Variants in MALRD1 observed in about 807,000 individuals in gnomAD.
MALRD1 encodes MAM and LDL-receptor class A domain-containing protein 1.
Under a neutral mutation model 242.1 loss-of-function variants are expected in MALRD1, and 247 were observed. That is an observed-to-expected ratio of 1.02 (90% confidence interval 0.92 to 1.13). MALRD1 has a LOEUF of 1.13. Ranked by LOEUF, MALRD1 falls within the 50% of genes most tolerant of loss-of-function variation. The pLI, the probability that MALRD1 is intolerant of heterozygous loss-of-function variation, is 0.00. For synonymous variants in MALRD1, 995 were observed against 866.6 expected (o/e 1.15, Z -2.60); for missense variants, 2,989 against 2,533.1 (o/e 1.18, Z -3.86).
chr10:19,396,401 G>A (rs2130838386), intron 28 of MALRD1, among the ~76,000 whole-genome samples: 1 of 152,102 alleles, frequency 6.6e-6, no homozygotes, highest in East Asian at 1.9e-4. Flanking sequence ...CTTCCAAAGA[G>A]CTGGATTACA....
intron 33 of MALRD1, among the ~76,000 whole-genome samples, chr10:19,573,506 A>T (rs1457424205): frequency 6.6e-6 from 1 of 152,180 alleles, no homozygotes; most frequent in East Asian, 1.9e-4. Context: ...CAGGAAAAGC[A>T]GGGATTCGCC....
intron 36 of MALRD1, among the ~76,000 whole-genome samples, chr10:19,684,591 A>G (rs1452576686): frequency 2.0e-5 from 3 of 152,092 alleles, no homozygotes; most frequent in East Asian, 3.9e-4. Flanking sequence ...CCCCGTCTCT[A>G]CTAAAAATAC....
chr10:19,160,070 A>G (rs1834330884), intron 12 of MALRD1, among the ~76,000 whole-genome samples: 1 of 152,218 alleles, frequency 6.6e-6, no homozygotes, highest in Non-Finnish European at 1.5e-5. Flanking sequence ...CATACTATAT[A>G]TAAAATCTGC....
chr10:19,207,043 T>C (rs775565022), intron 17 of MALRD1, among the ~76,000 whole-genome samples: 2 of 152,220 alleles, frequency 1.3e-5, no homozygotes, highest in Non-Finnish European at 2.9e-5. Context: ...GCTCCTCTTC[T>C]GTGATTTTCC....
chr10:19,521,572 T>C (rs1236253397), intron 31 of MALRD1, among the ~76,000 whole-genome samples: 1 of 152,150 alleles, frequency 6.6e-6, no homozygotes, highest in Non-Finnish European at 1.5e-5. Context: ...CAACTAGTAA[T>C]TATTGGTCAC....
intron 23 of MALRD1, 24 bp downstream of exon 23, chr10:19,327,697 G>T (rs114661731): frequency 6.6e-7 from 1 of 1,505,914 alleles, no homozygotes; most frequent in Non-Finnish European, 9.0e-7. Context: ...GTAGTTATGG[G>T]GTGAGTGAGT....
intron 24 of MALRD1, among the ~76,000 whole-genome samples, chr10:19,343,886 C>T (rs1399340908): frequency 6.6e-6 from 1 of 152,052 alleles, no homozygotes; most frequent in Non-Finnish European, 1.5e-5. Flanking sequence ...TAATATCTCA[C>T]CATGGTCTTA....
At chr10:19,206,429 T>A (rs1373691876) in intron 17 of MALRD1, among the ~76,000 whole-genome samples, 3 of 152,198 alleles carry the variant, frequency 2.0e-5, no homozygotes, top group Non-Finnish European at 2.9e-5. Context: ...TAAGGCCAAT[T>A]CATTTTTGCA....
intron 11 of MALRD1, among the ~76,000 whole-genome samples, chr10:19,153,210 T>C (rs952172756): frequency 6.6e-6 from 1 of 152,192 alleles, no homozygotes. Flanking sequence ...TGGATAACAA[T>C]TTCAAATTTA....
At chr10:19,047,893 C>T (rs914398920), upstream of MALRD1, among the ~76,000 whole-genome samples, 3 of 152,104 alleles carry the variant, frequency 2.0e-5, no homozygotes, top group African/African-American at 4.8e-5. Context: ...TTGCCTCTTG[C>T]GGTTACACTG....
At chr10:19,484,600 A>G (rs1837160061) in intron 29 of MALRD1, among the ~76,000 whole-genome samples, 1 of 152,216 alleles carries the variant, frequency 6.6e-6, no homozygotes, top group African/African-American at 2.4e-5. Flanking sequence ...GACTACAGAA[A>G]AATTAATGAA....
At chr10:19,661,541 AAC>A (rs1841436368) in intron 36 of MALRD1, among the ~76,000 whole-genome samples, 1 of 152,190 alleles carries the variant, frequency 6.6e-6, no homozygotes, top group South Asian at 2.1e-4. Flanking sequence ...AAGGACAAAA[AAC>A]CAAACGCTGC....
intron 36 of MALRD1, among the ~76,000 whole-genome samples, chr10:19,624,878 GAAAAAAA>G (rs145042762): frequency 8.3e-6 from 1 of 119,948 alleles, no homozygotes; most frequent in Admixed American, 9.2e-5. Flanking sequence ...CTCAAAAAAG[GAAAAAAA>G]AAAAAAAAAA....
Position 19,326,852 on chromosome 10 carries a change from T to G in MALRD1, c.3577-711T>G, listed in dbSNP as rs374607981. On this transcript the variant is annotated intron_variant, in intron 22 of 39. Coordinates refer to ENST00000454679, the MANE Select transcript of MALRD1 (RefSeq NM_001142308.3). ...TAAAAAGTAATGTTGTGAAATCATT[T>G]AATACACTGTGTAAGTCAGTTATTT... is the stretch of plus-strand genomic sequence containing the variant. Among the ~76,000 whole-genome samples the G allele has an allele frequency of 9.9e-4, 150 of 152,268 alleles. 1 individual carries two copies. Among genetic ancestry groups the G allele is most frequent in the African/African-American group, 3.4e-3 (143 of 41,578 alleles).
rs114256682 is a variant in MALRD1, at chr10:19,592,672, A to G, written c.5681-2522A>G. On this transcript the variant is annotated intron_variant, in intron 33 of 39. Transcript: ENST00000454679. ...AATTTCTGCTTTTAATGCAATGCCTACCTCCGAAAGGAGAAAATTTTATTT... is the reference window on the plus strand; with the variant it reads ...AATTTCTGCTTTTAATGCAATGCCTGCCTCCGAAAGGAGAAAATTTTATTT... Among the ~76,000 whole-genome samples, 1,028 of 151,836 alleles carry G rather than the reference A, an allele frequency of 6.8e-3. 13 individuals are homozygous for G. The highest frequency in any genetic ancestry group is 0.024 in the African/African-American group (984 of 41,344).
At position 19,535,968 on chromosome 10, in the gene MALRD1, A is replaced by C. The variant is rs192114838; in HGVS notation, c.5478+4617A>C. The stretch of plus-strand genomic sequence containing the variant: ...GATGAATTTTCAGAGGCAAGGGTTT[A>C]TGAGGCAATAAAAATAGGAATGCAT... On this transcript the variant is annotated intron_variant, in intron 32 of 39. Transcript: ENST00000454679. 2.6e-3 allele frequency among the ~76,000 whole-genome samples: 403 copies of C among 152,318 alleles called. 1 individual carries two copies. The highest frequency in any genetic ancestry group is 9.3e-3 in the African/African-American group (387 of 41,570).
intron 28 of MALRD1, among the ~76,000 whole-genome samples, chr10:19,448,842 T>G (rs1564350798): frequency 6.6e-6 from 1 of 151,966 alleles, no homozygotes; most frequent in Non-Finnish European, 1.5e-5. Flanking sequence ...TATATAATAA[T>G]ATAATTTTTG....
intron 10 of MALRD1, among the ~76,000 whole-genome samples, chr10:19,141,653 G>T (rs537095278): frequency 1.3e-5 from 2 of 151,786 alleles, no homozygotes; most frequent in East Asian, 1.9e-4. Context: ...TTCCAGAAAA[G>T]TTGGCATGAT....
At chr10:19,088,743 A>G (rs1343234667) in intron 4 of MALRD1, among the ~76,000 whole-genome samples, 1 of 75,000 alleles carries the variant, frequency 1.3e-5, no homozygotes, top group Admixed American at 1.5e-4. Flanking sequence ...CCCCTCCCCC[A>G]ACCCCACCAC....
Sources: gnomAD v4.1 joint callset for allele counts (sites outside exome capture counted in the v4.1 genomes callset) on GRCh38, gnomAD v4.1.1 for gene constraint, MANE v1.5 for transcripts, NCBI Gene and HGNC (gene_info 2026-07-23, HGNC 2026-07-21) for gene names.